Variants in GMEB1 observed in about 807,000 individuals in gnomAD.
The protein encoded by GMEB1 is glucocorticoid modulatory element-binding protein 1.
In GMEB1, 6 loss-of-function variants were observed where a neutral mutation model predicts 52.4. That is an observed-to-expected ratio of 0.11 (90% CI 0.06 to 0.23). GMEB1 has a LOEUF of 0.23. Among genes scored for constraint, GMEB1 ranks in the 10% least tolerant of loss-of-function variants. The pLI is 1.00. For synonymous variants in GMEB1, 255 were observed against 244.9 expected (o/e 1.04, Z -0.38); for missense variants, 486 against 685.6 (o/e 0.71, Z 3.25).
At chr1:28,710,008 G>C (rs569645014) in intron 8 of GMEB1, among the ~76,000 whole-genome samples, 3 of 151,960 alleles carry the variant, frequency 2.0e-5, no homozygotes, top group African/African-American at 7.3e-5. Context: ...TTAGGCAGGC[G>C]TGGTGGCAGG....
At position 28,697,746 on chromosome 1, in the gene GMEB1, G is replaced by A. The variant is rs181149006; in HGVS notation, c.598+662G>A. Among the ~76,000 whole-genome samples the A allele has an allele frequency of 3.3e-5, 5 of 152,318 alleles. No homozygotes were observed. In the East Asian group the frequency reaches 7.7e-4, roughly 24 times the overall value. On this transcript the variant is annotated intron_variant, in intron 6 of 9. Transcript: ENST00000373816. ...ACTTTGGTGCCACTTGGCATATTAAGGTTGAATTAGGCTGTTTTGAAAAAT... is the reference window on the plus strand; with the variant it reads ...ACTTTGGTGCCACTTGGCATATTAAAGTTGAATTAGGCTGTTTTGAAAAAT...
Position 28,715,097 on chromosome 1 carries a change from G to A in GMEB1, c.*324G>A. On this transcript the variant is annotated 3_prime_UTR_variant, in exon 10 of 10. Transcript: ENST00000373816. Reference sequence around the variant, plus strand: ...ATTTCCAGGCTCGTCTGTGTGTGTAGGCATGTGGTTTTATTCTTGTAAAGA... The same window carrying A: ...ATTTCCAGGCTCGTCTGTGTGTGTAAGCATGTGGTTTTATTCTTGTAAAGA... 1 of 264,722 alleles carries A rather than the reference G, an allele frequency of 3.8e-6. No individual in the cohort carries two copies. Among genetic ancestry groups the A allele is most frequent in the South Asian group, 5.7e-5 (1 of 17,446 alleles). 16.4% of individuals were successfully genotyped at this position (264,722 alleles called of 1,614,324 possible).
intron 8 of GMEB1, among the ~76,000 whole-genome samples, 175 bp from the exon 9 acceptor site, chr1:28,710,345 A>G (rs1670989786): frequency 6.6e-6 from 1 of 152,236 alleles, no homozygotes; most frequent in African/African-American, 2.4e-5. Flanking sequence ...TTACAAAAAT[A>G]TAACAATTAA....
chr1:28,702,823 A>T (rs538411484), intron 7 of GMEB1, among the ~76,000 whole-genome samples: 94 of 152,064 alleles, frequency 6.2e-4, no homozygotes, highest in Admixed American at 5.3e-3. Flanking sequence ...AGGCCAAGGC[A>T]GGTGGATCAC....
At chr1:28,678,184 C>G (rs1346232080) in intron 1 of GMEB1, among the ~76,000 whole-genome samples, 1 of 147,364 alleles carries the variant, frequency 6.8e-6, no homozygotes, top group African/African-American at 2.5e-5. Flanking sequence ...AGTGAGACTT[C>G]GTCTCAAAAA....
chr1:28,690,212 T>G (rs775077985), intron 3 of GMEB1, 26 bp downstream of exon 3: 7 of 1,075,294 alleles, frequency 6.5e-6, no homozygotes, highest in Middle Eastern at 2.1e-4. Context: ...TGTTTTTTTT[T>G]TTTTTTTTTT....
chr1:28,684,435 C>T (rs778487423), intron 2 of GMEB1, among the ~76,000 whole-genome samples: 17 of 151,836 alleles, frequency 1.1e-4, no homozygotes, highest in African/African-American at 4.1e-4. Context: ...TGGTAGCAGG[C>T]GCCTGTAGTC....
chr1:28,705,376 A>G (rs1020775347), intron 8 of GMEB1, among the ~76,000 whole-genome samples: 25 of 151,368 alleles, frequency 1.7e-4, no homozygotes, highest in Admixed American at 1.5e-3. Flanking sequence ...TCTGGGTGAT[A>G]GAGAACAAGA....
chr1:28,677,451 C>G (rs1251237644), intron 1 of GMEB1, among the ~76,000 whole-genome samples: 1 of 152,114 alleles, frequency 6.6e-6, no homozygotes, highest in Non-Finnish European at 1.5e-5. Flanking sequence ...CCTGCCTTGG[C>G]CTCCCAAAGT....
chr1:28,713,110 A>G (rs938440617), intron 9 of GMEB1, among the ~76,000 whole-genome samples: 4 of 150,104 alleles, frequency 2.7e-5, no homozygotes, highest in African/African-American at 9.8e-5. Context: ...GTGAGCCGAG[A>G]TCGCACCACT....
At chr1:28,698,686 AAAAG>A (rs1670349337) in intron 6 of GMEB1, among the ~76,000 whole-genome samples, 1 of 151,454 alleles carries the variant, frequency 6.6e-6, no homozygotes, top group Admixed American at 6.6e-5. Flanking sequence ...AAAAAAAAAA[AAAAG>A]AAAAATGCTT....
intron 8 of GMEB1, among the ~76,000 whole-genome samples, chr1:28,709,584 A>T (rs188216648): frequency 0.025 from 3,785 of 151,604 alleles, 54 homozygotes; most frequent in Non-Finnish European, 0.035. Flanking sequence ...AAAAAAAAAA[A>T]ATTTTTTTGA....
intron 2 of GMEB1, among the ~76,000 whole-genome samples, chr1:28,689,138 T>C (rs545447809): frequency 6.6e-6 from 1 of 152,110 alleles, no homozygotes; most frequent in South Asian, 2.1e-4. Flanking sequence ...TCCGCCCGCT[T>C]TGTCCTTCCA....
At chr1:28,677,930 T>G (rs1669228938) in intron 1 of GMEB1, among the ~76,000 whole-genome samples, 1 of 152,096 alleles carries the variant, frequency 6.6e-6, no homozygotes, top group South Asian at 2.1e-4. Flanking sequence ...ACGCTTGTAA[T>G]CCCAGCACTT....
intron 3 of GMEB1, 145 bp downstream of exon 3, chr1:28,690,331 G>A (rs1407934735): frequency 4.1e-6 from 2 of 491,292 alleles, no homozygotes; most frequent in Admixed American, 4.0e-5. Flanking sequence ...TACAGCCCTC[G>A]ATTTTGATGG....
chr1:28,705,100 A>AAC (rs1557519060), intron 8 of GMEB1, among the ~76,000 whole-genome samples: 1 of 151,104 alleles, frequency 6.6e-6, no homozygotes, highest in African/African-American at 2.4e-5. Flanking sequence ...AAAAAAAAAA[A>AAC]AACACAGGCC....
At chr1:28,708,903 G>A (rs1309071612) in intron 8 of GMEB1, among the ~76,000 whole-genome samples, 1 of 151,892 alleles carries the variant, frequency 6.6e-6, no homozygotes, top group Non-Finnish European at 1.5e-5. Context: ...AGGCCGAGGC[G>A]GGCAGATCAC....
chr1:28,703,150 A>G (rs1413993105), intron 7 of GMEB1, among the ~76,000 whole-genome samples: 1 of 152,184 alleles, frequency 6.6e-6, no homozygotes, highest in Non-Finnish European at 1.5e-5. Flanking sequence ...TTCTGATCAG[A>G]CTGCCTCCAA....
intron 9 of GMEB1, among the ~76,000 whole-genome samples, chr1:28,713,563 T>A (rs1671158237): frequency 6.6e-6 from 1 of 152,200 alleles, no homozygotes; most frequent in Non-Finnish European, 1.5e-5. Flanking sequence ...CTGTAATTTT[T>A]AGGGACTTCT....
Sources: allele counts gnomAD v4.1 joint callset (sites outside exome capture counted in the v4.1 genomes callset), GRCh38; gene constraint gnomAD v4.1.1; transcripts MANE v1.5; gene names NCBI Gene and HGNC (gene_info 2026-07-23, HGNC 2026-07-21).